The following CCSER1 variants were observed in gnomAD, a reference collection of about 807,000 sequenced individuals.
CCSER1 encodes the protein serine-rich coiled-coil domain-containing protein 1.
CCSER1 carries 41 observed loss-of-function variants against 82.0 expected under a neutral mutation model. That is an observed-to-expected ratio of 0.50 (90% CI 0.39 to 0.65). CCSER1 has a LOEUF of 0.65. Ranked by LOEUF, CCSER1 falls within the 30% of genes least tolerant of loss-of-function variation. The probability of loss-of-function intolerance (pLI) is 0.00; values close to 1 mark genes in which losing one functional copy is unlikely to be tolerated. For missense variants in CCSER1, 1,119 were observed against 1,064.2 expected, an observed-to-expected ratio of 1.05 and a Z score of -0.72; for synonymous variants, 414 against 383.9, an observed-to-expected ratio of 1.08 and a Z score of -0.92.
chr4:90,866,696 CT>C (rs930689841), intron 8 of CCSER1, among the ~76,000 whole-genome samples: 1 of 152,092 alleles, frequency 6.6e-6, no homozygotes, highest in Admixed American at 6.6e-5. Context: ...TTCCACTTCA[CT>C]ATTTTTTCTC....
At chr4:90,555,610 G>T (rs947258804) in intron 5 of CCSER1, among the ~76,000 whole-genome samples, 1 of 151,930 alleles carries the variant, frequency 6.6e-6, no homozygotes, top group African/African-American at 2.4e-5. Flanking sequence ...TGAGAGAAAA[G>T]ATAAAGGACA....
At chr4:91,432,149 C>T (rs954327807) in intron 10 of CCSER1, among the ~76,000 whole-genome samples, 18 of 152,084 alleles carry the variant, frequency 1.2e-4, no homozygotes, top group African/African-American at 2.9e-4. Flanking sequence ...AAAGAAGGTT[C>T]TTGCTTCTTC....
intron 10 of CCSER1, among the ~76,000 whole-genome samples, chr4:91,269,754 A>G (rs542616010): frequency 6.6e-6 from 1 of 152,320 alleles, no homozygotes; most frequent in South Asian, 2.1e-4. Context: ...AACTATTTAA[A>G]TATCAAGAGA....
At chr4:90,368,713 C>G (rs1578142985) in intron 3 of CCSER1, among the ~76,000 whole-genome samples, 2 of 151,950 alleles carry the variant, frequency 1.3e-5, no homozygotes, top group South Asian at 2.1e-4. Context: ...TGAAACTTGT[C>G]TACCTCGCCT....
chr4:90,286,139 A>C (rs1729843041), intron 1 of CCSER1, among the ~76,000 whole-genome samples: 1 of 151,930 alleles, frequency 6.6e-6, no homozygotes, highest in Admixed American at 6.6e-5. Flanking sequence ...TTGGGGTAAT[A>C]CTGGCCCCAT....
intron 3 of CCSER1, among the ~76,000 whole-genome samples, chr4:90,373,105 AG>A (rs1372382774): frequency 6.6e-6 from 1 of 152,044 alleles, no homozygotes; most frequent in Non-Finnish European, 1.5e-5. Flanking sequence ...GGAGCAAAAC[AG>A]GACTCAAACA....
chr4:90,899,747 C>T (rs1358616504), intron 8 of CCSER1, among the ~76,000 whole-genome samples: 3 of 151,998 alleles, frequency 2.0e-5, no homozygotes, highest in Non-Finnish European at 2.9e-5. Flanking sequence ...TGATAAATCA[C>T]GATGATTGAT....
At chr4:91,149,463 G>A (rs1367404645) in intron 10 of CCSER1, among the ~76,000 whole-genome samples, 2 of 152,134 alleles carry the variant, frequency 1.3e-5, no homozygotes, top group African/African-American at 4.8e-5. Flanking sequence ...CTTTTGCTGT[G>A]CAGAAGCTCT....
intron 1 of CCSER1, among the ~76,000 whole-genome samples, chr4:90,284,299 C>T (rs1046813045): frequency 6.6e-6 from 1 of 152,014 alleles, no homozygotes; most frequent in African/African-American, 2.4e-5. Flanking sequence ...TGATTATTTT[C>T]TTTGCTATGC....
At chr4:90,879,079 A>AT (rs1314471061) in intron 8 of CCSER1, among the ~76,000 whole-genome samples, 2 of 152,190 alleles carry the variant, frequency 1.3e-5, no homozygotes, top group Non-Finnish European at 2.9e-5. Flanking sequence ...TTGTTTGAGC[A>AT]TTCAGTGTGT....
chr4:91,389,693 G>A (rs1189879843), intron 10 of CCSER1, among the ~76,000 whole-genome samples: 1 of 151,798 alleles, frequency 6.6e-6, no homozygotes, highest in Non-Finnish European at 1.5e-5. Context: ...ACAATATTGA[G>A]CCTTTCTGTT....
intron 10 of CCSER1, among the ~76,000 whole-genome samples, chr4:91,210,740 A>G (rs894116964): frequency 1.3e-5 from 2 of 151,922 alleles, no homozygotes; most frequent in African/African-American, 2.4e-5. Context: ...ATGCACTACA[A>G]TTTCCTCAGC....
At chr4:91,026,848 T>A (rs1439861098) in intron 9 of CCSER1, among the ~76,000 whole-genome samples, 1 of 152,060 alleles carries the variant, frequency 6.6e-6, no homozygotes, top group African/African-American at 2.4e-5. Context: ...TAATAAAAGG[T>A]ATGGCTTATT....
At chr4:90,164,211 T>C (rs1241532503) in intron 1 of CCSER1, among the ~76,000 whole-genome samples, 1 of 152,014 alleles carries the variant, frequency 6.6e-6, no homozygotes, top group African/African-American at 2.4e-5. Flanking sequence ...GGGTTTTTTT[T>C]CAAATCATTA....
intron 10 of CCSER1, among the ~76,000 whole-genome samples, chr4:91,185,490 G>T (rs994212679): frequency 6.6e-6 from 1 of 152,176 alleles, no homozygotes; most frequent in South Asian, 2.1e-4. Flanking sequence ...CAGGCAGAAG[G>T]CTCACAGCTT....
At chr4:90,507,836 A>G (rs1441062083) in intron 5 of CCSER1, among the ~76,000 whole-genome samples, 2 of 152,070 alleles carry the variant, frequency 1.3e-5, no homozygotes, top group Non-Finnish European at 2.9e-5. Flanking sequence ...TTTCTACAGA[A>G]AATCTGCTTT....
intron 5 of CCSER1, among the ~76,000 whole-genome samples, chr4:90,507,915 T>C (rs1770939109): frequency 6.6e-6 from 1 of 151,898 alleles, no homozygotes; most frequent in Non-Finnish European, 1.5e-5. Context: ...TTATTTTATA[T>C]AGATATTTTA....
chr4:91,098,055 A>G (rs1581547389), intron 10 of CCSER1, among the ~76,000 whole-genome samples: 1 of 152,194 alleles, frequency 6.6e-6, no homozygotes, highest in Non-Finnish European at 1.5e-5. Flanking sequence ...CAGATTGAAA[A>G]TCAATGTTTA....
At chr4:91,287,276 G>A (rs1012054524) in intron 10 of CCSER1, among the ~76,000 whole-genome samples, 12 of 151,822 alleles carry the variant, frequency 7.9e-5, no homozygotes, top group African/African-American at 2.9e-4. Context: ...TCTAATAAGT[G>A]TCTGTAAGAA....
Sources: gnomAD v4.1 joint callset for allele counts (sites outside exome capture counted in the v4.1 genomes callset) on GRCh38, gnomAD v4.1.1 for gene constraint, MANE v1.5 for transcripts, NCBI Gene and HGNC (gene_info 2026-07-23, HGNC 2026-07-21) for gene names.